Variants in KAZN observed in about 807,000 individuals in gnomAD.
KAZN encodes kazrin, periplakin interacting protein, also known as kazrin.
In KAZN, 40 loss-of-function variants were observed where a neutral mutation model predicts 87.4. The observed-to-expected ratio is 0.46, with a 90% CI of 0.36 to 0.60. KAZN has a LOEUF of 0.60. Among genes scored for constraint, KAZN ranks in the 20% least tolerant of loss-of-function variants. KAZN has a pLI of 0.00. For missense variants in KAZN, 898 were observed against 1,073.9 expected (o/e 0.84, Z 2.29); for synonymous variants, 466 against 458.3 (o/e 1.02, Z -0.22).
chr1:14,185,730 C>T lies in KAZN; in HGVS notation c.249+5138C>T, dbSNP rs974173780. On this transcript the variant is annotated intron_variant, in intron 2 of 16. Transcript: ENST00000636203. ...GGCTTAGATGCAATCCCTTCAGTTA[C>T]GGAACTTCTGTACTCACCCTTCCTG... Among the ~76,000 whole-genome samples, 9 of 152,140 alleles carry T rather than the reference C, an allele frequency of 5.9e-5. No individual in the cohort carries two copies. The East Asian group carries it at 9.6e-4, about 16-fold the overall frequency.
intron 2 of KAZN, among the ~76,000 whole-genome samples, chr1:15,015,214 G>A (rs1431425929): frequency 1.2e-4 from 18 of 151,548 alleles, no homozygotes; most frequent in Admixed American, 7.9e-4. Context: ...GTGCAGTGGC[G>A]CGATCTCGGC....
At chr1:14,595,699 G>GA (rs60340361), upstream of KAZN, among the ~76,000 whole-genome samples, 2 of 135,696 alleles carry the variant, frequency 1.5e-5, no homozygotes, top group African/African-American at 5.6e-5. Flanking sequence ...AAAAAAAAAA[G>GA]AAAAAGAAAA....
intron 2 of KAZN, among the ~76,000 whole-genome samples, chr1:14,574,150 C>A (rs929369692): frequency 6.6e-6 from 1 of 152,106 alleles, no homozygotes; most frequent in Admixed American, 6.6e-5. Flanking sequence ...GAAGGCTGAA[C>A]AGGAAGGAAG....
intron 2 of KAZN, among the ~76,000 whole-genome samples, chr1:14,404,720 T>C (rs1044701173): frequency 1.2e-4 from 18 of 152,204 alleles, no homozygotes; most frequent in Non-Finnish European, 1.5e-5. Flanking sequence ...GTTAAGAGAA[T>C]GAAGTACTGA....
intron 2 of KAZN, among the ~76,000 whole-genome samples, chr1:14,278,426 A>G (rs1162946579): frequency 6.6e-6 from 1 of 150,738 alleles, no homozygotes; most frequent in Non-Finnish European, 1.5e-5. Context: ...GAGTAGCTGG[A>G]TTACAGGTAC....
intron 1 of KAZN, among the ~76,000 whole-genome samples, chr1:13,968,097 G>C (rs1642008769): frequency 6.6e-6 from 1 of 152,172 alleles, no homozygotes; most frequent in Non-Finnish European, 1.5e-5. Context: ...TAGTTTGAGA[G>C]CTGAGTTTTT....
At position 14,960,831 on chromosome 1, in the gene KAZN, C is replaced by T; in HGVS notation, c.374C>T (p.Ala125Val). 6.2e-7 allele frequency: 1 copy of T among 1,612,760 alleles called. No homozygotes were observed. The highest frequency in any genetic ancestry group is 1.1e-5 in the South Asian group (1 of 90,926). ...GCCACCGAGCTCAGGGTCCAGCTGG[C>T]CCAGAAGGAGCAGGAGCTAGCCAGA... The part of the protein sequence containing the change: ...LSATELRVQL[A>V]QKEQELARAK... The change falls in exon 2 of 15, where the codon GCC becomes GTC. Residue 125 changes from alanine to valine, a missense_variant. This residue lies in a region of KAZN where 250 missense variants were observed against 263.0 expected (regional missense o/e 0.95). Transcript: ENST00000376030.
intron 2 of KAZN, among the ~76,000 whole-genome samples, chr1:14,348,293 C>G (rs1195659590): frequency 6.6e-6 from 1 of 152,112 alleles, no homozygotes; most frequent in Non-Finnish European, 1.5e-5. Context: ...TTCAAACAAT[C>G]CACCCTCCCC....
intron 2 of KAZN, among the ~76,000 whole-genome samples, chr1:14,495,525 C>G (rs1023767906): frequency 1.3e-5 from 2 of 152,186 alleles, no homozygotes; most frequent in African/African-American, 4.8e-5. Context: ...ATGAGGCACA[C>G]TGGAATAATT....
chr1:15,092,322 A>G (rs1345404603), intron 8 of KAZN, among the ~76,000 whole-genome samples: 1 of 151,822 alleles, frequency 6.6e-6, no homozygotes, highest in East Asian at 1.9e-4. Context: ...TGATCCACCT[A>G]CCTCGGCCTC....
At chr1:13,968,818 CTG>C (rs34220713) in intron 1 of KAZN, among the ~76,000 whole-genome samples, 63,506 of 151,796 alleles carry the variant, frequency 0.42, 13,562 homozygotes, top group East Asian at 0.64. Flanking sequence ...ACTCTACATT[CTG>C]TCTCTCCAGT....
intron 1 of KAZN, among the ~76,000 whole-genome samples, chr1:14,655,255 A>G (rs996892120): frequency 6.6e-6 from 1 of 152,124 alleles, no homozygotes; most frequent in African/African-American, 2.4e-5. Context: ...ATGGGAGGCT[A>G]GGGGGTGTTT....
intron 1 of KAZN, among the ~76,000 whole-genome samples, chr1:14,638,859 C>T (rs1680210730): frequency 6.6e-6 from 1 of 152,168 alleles, no homozygotes; most frequent in Non-Finnish European, 1.5e-5. Flanking sequence ...CTGCAGTCCC[C>T]CATCCCACCC....
At position 14,101,088 on chromosome 1, in the gene KAZN, G is replaced by A. The variant is rs548348031; in HGVS notation, c.92-79347G>A. Among the ~76,000 whole-genome samples, 212 of 152,206 alleles carry A rather than the reference G, an allele frequency of 1.4e-3. 1 individual carries two copies. The Middle Eastern group carries it at 0.02, about 15-fold the overall frequency. ...TTTCATTCGTAAATTACCCGGTCTC[G>A]GGTATTTATCAGCAGCGTGAAAATG... On this transcript the variant is annotated intron_variant, in intron 1 of 16. Coordinates refer to the KAZN transcript ENST00000636203.
intron 1 of KAZN, among the ~76,000 whole-genome samples, chr1:13,934,948 C>A (rs1351883153): frequency 1.3e-5 from 2 of 151,960 alleles, no homozygotes; most frequent in African/African-American, 4.8e-5. Flanking sequence ...TAATAATAAG[C>A]CTTCAGGGCC....
chr1:14,318,147 T>C (rs1413298536), intron 2 of KAZN, among the ~76,000 whole-genome samples: 5 of 152,102 alleles, frequency 3.3e-5, no homozygotes, highest in Non-Finnish European at 1.5e-5. Flanking sequence ...AGAAACAATT[T>C]ACTTTATATT....
At chr1:14,868,169 A>G (rs1651741853) in intron 1 of KAZN, among the ~76,000 whole-genome samples, 1 of 152,068 alleles carries the variant, frequency 6.6e-6, no homozygotes, top group South Asian at 2.1e-4. Context: ...ATAGGCGGGC[A>G]TCGCATAGGC....
intron 2 of KAZN, among the ~76,000 whole-genome samples, chr1:14,463,898 A>G (rs1667978367): frequency 1.3e-5 from 2 of 152,206 alleles, no homozygotes; most frequent in Admixed American, 1.3e-4. Flanking sequence ...TGACCCAGGC[A>G]TTCCCAGGAG....
intron 1 of KAZN, among the ~76,000 whole-genome samples, chr1:14,911,800 C>T (rs1657277078): frequency 6.6e-6 from 1 of 152,108 alleles, no homozygotes; most frequent in Non-Finnish European, 1.5e-5. Context: ...TAGATGGGCT[C>T]TGGAAGATTG....
Sources: gnomAD v4.1 joint callset for allele counts (sites outside exome capture counted in the v4.1 genomes callset) on GRCh38, gnomAD v4.1.1 for gene constraint, gnomAD v4.1.1 regional missense constraint, MANE v1.5 for transcripts, NCBI Gene and HGNC (gene_info 2026-07-23, HGNC 2026-07-21) for gene names.